Variants in TSC1 observed in about 807,000 individuals in gnomAD.
TSC1 encodes hamartin.
In TSC1, 20 loss-of-function variants were observed where a neutral mutation model predicts 124.3. That is an observed-to-expected ratio of 0.16 (90% confidence interval 0.11 to 0.23). The LOEUF (loss-of-function observed/expected upper bound fraction) is 0.23, where lower values mean the gene tolerates loss of function less well. TSC1 is among the 10% of genes least tolerant of loss of function. The probability of loss-of-function intolerance (pLI) is 1.00; values close to 1 mark genes in which losing one functional copy is unlikely to be tolerated. For synonymous variants in TSC1, 493 were observed against 539.1 expected, an observed-to-expected ratio of 0.91 and a Z score of 1.19; for missense variants, 1,124 against 1,448.5, an observed-to-expected ratio of 0.78 and a Z score of 3.64.
In TSC1 at chr9:132,921,825, C is replaced by T. The variant is rs755910789; in HGVS notation, c.657G>A (p.Val219=). ...MKENLETFEE[V]VKPMMEHVRI... is the part of the protein sequence containing the mutation. ...ACAAGCAGTTTCAATTTACCTTGACCACTTCTTCAAAAGTCTCCAGGTTTT... is the reference window on the plus strand; with the variant it reads ...ACAAGCAGTTTCAATTTACCTTGACTACTTCTTCAAAAGTCTCCAGGTTTT... Residue 219 remains valine, a synonymous_variant, in exon 7 of 23, where the codon GTG becomes GTA. Coordinates refer to ENST00000298552, the MANE Select transcript of TSC1 (RefSeq NM_000368.5). The surrounding 1 kb of genome is among the most constrained non-coding windows in gnomAD (Gnocchi z 4.3). 1 of 1,614,110 alleles carries T rather than the reference C, an allele frequency of 6.2e-7. No homozygotes were observed. Among genetic ancestry groups the T allele is most frequent in the South Asian group, 1.1e-5 (1 of 91,078 alleles).
rs1554815274 is a variant in TSC1, at chr9:132,903,711, G to A, written c.2148C>T (p.Asn716=). Residue 716 remains asparagine (N), a synonymous_variant, in exon 17 of 23, where the codon AAC becomes AAT. Coordinates refer to ENST00000298552, the MANE Select transcript of TSC1 (RefSeq NM_000368.5). The surrounding 1 kb of genome is among the most constrained non-coding windows in gnomAD (Gnocchi z 5.9). ...TGATCACCTTGCGGAGGAGCCGCCT[G>A]TTCCGGAGGGCATGCTGCTGCCTCT... ...RFKRQQHALR[N]RRLLRKVIKA... 3.1e-6 allele frequency: 5 copies of A among 1,613,174 alleles called. No homozygotes were observed. Among genetic ancestry groups the A allele is most frequent in the Non-Finnish European group, 4.2e-6 (5 of 1,180,040 alleles).
At chr9:132,918,722 C>G (rs1846391034) in intron 8 of TSC1, among the ~76,000 whole-genome samples, 1 of 152,122 alleles carries the variant, frequency 6.6e-6, no homozygotes, top group Admixed American at 6.6e-5. Flanking sequence ...AAAAACATGA[C>G]CAGCTCAAGA....
intron 2 of TSC1, chr9:132,931,447 C>T (rs1247277238): frequency 1.3e-5 from 2 of 152,192 alleles, no homozygotes; most frequent in African/African-American, 4.8e-5. Context: ...ATTAGAAACA[C>T]GTTTTGGCAA....
At chr9:132,934,701 A>C (rs913317843) in intron 2 of TSC1, among the ~76,000 whole-genome samples, 1 of 152,274 alleles carries the variant, frequency 6.6e-6, no homozygotes, top group African/African-American at 2.4e-5. Context: ...CTTTGCTGCT[A>C]AACAGAGCTG....
chr9:132,919,626 A>T, intron 8 of TSC1, among the ~76,000 whole-genome samples: 1 of 152,226 alleles, frequency 6.6e-6, no homozygotes, highest in East Asian at 1.9e-4. Flanking sequence ...AAAAGCTCCT[A>T]GAGGCTATGT....
chr9:132,905,619 T>A lies in TSC1; in HGVS notation c.1959A>T (p.Ile653=), dbSNP rs1295699982. The A allele has an allele frequency of 6.2e-7, 1 of 1,614,256 alleles. No homozygotes were observed. The highest frequency in any genetic ancestry group is 1.7e-5 in the Admixed American group (1 of 60,034). Residue 653 remains isoleucine (I), a synonymous_variant, in exon 15 of 23, where the codon ATA becomes ATT. Coordinates refer to ENST00000298552, the MANE Select transcript of TSC1 (RefSeq NM_000368.5). The part of the protein sequence containing the change: ...TSPMEVLDRL[I]QQGADAHSKE... ...TGCTGTGCGCGTCTGCTCCCTGCTG[T>A]ATCAGTCTGTCCAGCACTTCCATTG...
Position 132,896,645 on chromosome 9 carries a change from T to A in TSC1, c.3085A>T (p.Ser1029Cys), listed in dbSNP as rs2131610745. 1.2e-6 allele frequency: 2 copies of A among 1,613,956 alleles called. No homozygotes were observed. Among genetic ancestry groups the A allele is most frequent in the Non-Finnish European group, 1.7e-6 (2 of 1,179,936 alleles). ...KTPRPSSARG[S>C]SGSRGGGGSS... ...CCTCCACCACCTCTGCTTCCACTACTGCCCCGGGCGCTGCTGGGCCTGGGG... is the reference window on the plus strand; with the variant it reads ...CCTCCACCACCTCTGCTTCCACTACAGCCCCGGGCGCTGCTGGGCCTGGGG... Residue 1029 changes from serine (S) to cysteine (C), a missense_variant, in exon 23 of 23, where the codon AGT becomes TGT. Physicochemically the swap from Ser to Cys is moderately radical, Grantham distance 112. Transcript: ENST00000298552. This position sits in a 1 kb window ranked among gnomAD's most constrained non-coding sequence, Gnocchi z 4.5.
At chr9:132,907,944 G>A (rs57569760) in intron 12 of TSC1, among the ~76,000 whole-genome samples, 126 of 152,274 alleles carry the variant, frequency 8.3e-4, no homozygotes, top group African/African-American at 2.9e-3. Context: ...AAAAGTAGCC[G>A]GGCATGGTGA....
intron 3 of TSC1, among the ~76,000 whole-genome samples, 161 bp downstream of exon 3, chr9:132,928,606 T>C (rs1847020142): frequency 1.3e-5 from 2 of 152,194 alleles, no homozygotes; most frequent in South Asian, 4.1e-4. Context: ...ACTTGAGTAT[T>C]TCCATAATTG....
chr9:132,920,177 A>G (rs574116386), intron 8 of TSC1, among the ~76,000 whole-genome samples: 225 of 152,336 alleles, frequency 1.5e-3, no homozygotes, highest in African/African-American at 5.1e-3. Context: ...CCTCAGGGAC[A>G]GTGAAACCAC....
Position 132,894,431 on chromosome 9 carries a change from A to T in TSC1, c.*1804T>A, listed in dbSNP as rs1844923337. 1 of 228,972 alleles carries T rather than the reference A, an allele frequency of 4.4e-6. No homozygotes were observed. The highest frequency in any genetic ancestry group is 8.7e-6 in the Non-Finnish European group (1 of 115,208). The allele number at this position is 228,972 out of a possible 1,614,324, so 14.2% of individuals were successfully genotyped here. A position where few individuals can be genotyped will look rare whatever the true frequency, so the allele number is the denominator to read the frequency against. On this transcript the variant is annotated 3_prime_UTR_variant, in exon 23 of 23. Transcript: ENST00000298552. ...TTCTAAAACGGAACCAGGAAACTAG[A>T]CTGTATTGGGTTTTAAGCTTTCCTT... is the stretch of plus-strand genomic sequence containing the variant.
At chr9:132,901,982 G>C (rs925447133) in intron 18 of TSC1, 3 of 377,418 alleles carry the variant, frequency 7.9e-6, no homozygotes, top group Non-Finnish European at 1.4e-5. Flanking sequence ...GGATGCTGCA[G>C]AAAGATTCTG....
intron 4 of TSC1, chr9:132,926,423 C>A: frequency 6.4e-6 from 1 of 155,934 alleles, no homozygotes; most frequent in South Asian, 1.9e-4. Context: ...ACACTTAAGA[C>A]TTACCAAAGT....
chr9:132,901,802 A>C, intron 18 of TSC1, 103 bp from the exon 19 acceptor site: 8 of 956,480 alleles, frequency 8.4e-6, no homozygotes, highest in South Asian at 1.4e-5. Context: ...GCCTTAGCTC[A>C]ACGGCTCTAC....
chr9:132,921,460 T>G lies in TSC1; in HGVS notation c.664-24A>C. The G allele has an allele frequency of 3.7e-6, 6 of 1,613,000 alleles. No homozygotes were observed. The highest frequency in any genetic ancestry group is 5.1e-6 in the Non-Finnish European group (6 of 1,179,022). ...GGCTAGAAGAGTTGGGTTGACAAAT[T>G]ATAAAGGGCTGAATGTTTGTGGAAC... is the stretch of plus-strand genomic sequence containing the variant. On this transcript the variant is annotated intron_variant, in intron 7 of 22. Coordinates refer to ENST00000298552, the MANE Select transcript of TSC1 (RefSeq NM_000368.5). The surrounding 1 kb of genome is among the most constrained non-coding windows in gnomAD (Gnocchi z 4.3).
chr9:132,925,047 C>T (rs564724644), intron 5 of TSC1: 9 of 159,532 alleles, frequency 5.6e-5, no homozygotes, highest in African/African-American at 1.7e-4. Flanking sequence ...TATGGCTGCA[C>T]GCCACTGTTA....
At chr9:132,900,908 G>C in intron 19 of TSC1, 71 bp from the exon 20 acceptor site, 1 of 1,607,388 alleles carries the variant, frequency 6.2e-7, no homozygotes, top group Non-Finnish European at 8.5e-7. Context: ...CATTAAACAG[G>C]GAATCAGCTA....
intron 12 of TSC1, among the ~76,000 whole-genome samples, chr9:132,909,025 C>T (rs1307713693): frequency 1.3e-5 from 2 of 151,986 alleles, no homozygotes; most frequent in South Asian, 2.1e-4. Context: ...CCGCCTCAGC[C>T]TCCCAAGTAG....
At position 132,921,925 on chromosome 9, in the gene TSC1, G is replaced by A. The variant is rs2132158382; in HGVS notation, c.557C>T (p.Ala186Val). ...CATTCCATAAAGGCGATGAAAGAGT[G>A]CGTACACACTGGCATGGAGATGGAC... Reference protein sequence around the residue: ...YLVHLHASVYALFHRLYGMYP... With the variant: ...YLVHLHASVYVLFHRLYGMYP... The change falls in exon 7 of 23, where the codon GCA becomes GTA. Residue 186 changes from alanine to valine, a missense_variant. Ala to Val is a moderately conservative substitution (Grantham distance 64, BLOSUM62 0). Coordinates refer to ENST00000298552, the MANE Select transcript of TSC1 (RefSeq NM_000368.5). The surrounding 1 kb of genome is among the most constrained non-coding windows in gnomAD (Gnocchi z 4.3). 6.2e-7 allele frequency: 1 copy of A among 1,614,188 alleles called. No individual in the cohort carries two copies. Among genetic ancestry groups the A allele is most frequent in the Non-Finnish European group, 8.5e-7 (1 of 1,180,018 alleles).
Sources: allele counts gnomAD v4.1 joint callset (sites outside exome capture counted in the v4.1 genomes callset), GRCh38; gene constraint gnomAD v4.1.1; non-coding constraint Gnocchi (gnomAD v3.1); transcripts MANE v1.5; gene names NCBI Gene and HGNC (gene_info 2026-07-23, HGNC 2026-07-21).